Variants in ACVR1C observed in about 807,000 individuals in gnomAD.
The protein encoded by ACVR1C is activin A receptor type 1C.
ACVR1C carries 23 observed loss-of-function variants against 57.9 expected under a neutral mutation model. The observed-to-expected ratio is 0.40, with a 90% CI of 0.29 to 0.56. The LOEUF is 0.56. Ranked by LOEUF, ACVR1C falls within the 20% of genes least tolerant of loss-of-function variation. The pLI is 0.50. For synonymous variants in ACVR1C, 214 were observed against 215.3 expected, an observed-to-expected ratio of 0.99 and a Z score of 0.05; for missense variants, 480 against 607.9, an observed-to-expected ratio of 0.79 and a Z score of 2.21.
chr2:157,588,211 C>T (rs1023325766), intron 1 of ACVR1C, among the ~76,000 whole-genome samples: 2 of 150,060 alleles, frequency 1.3e-5, no homozygotes, highest in African/African-American at 4.9e-5. Context: ...TCACTGTCTA[C>T]ACCTCCCCAA....
intron 1 of ACVR1C, among the ~76,000 whole-genome samples, chr2:157,594,519 A>G (rs918897748): frequency 1.7e-4 from 26 of 152,266 alleles, no homozygotes; most frequent in African/African-American, 6.3e-4. Context: ...TAAATCAACA[A>G]AACATCTCTA....
At chr2:157,541,826 C>G (rs375535621) in intron 6 of ACVR1C, among the ~76,000 whole-genome samples, 1 of 152,176 alleles carries the variant, frequency 6.6e-6, no homozygotes, top group Non-Finnish European at 1.5e-5. Context: ...CCAGGTATAG[C>G]AACTTAGAAT....
chr2:157,572,767 A>G (rs1688547245), intron 2 of ACVR1C, among the ~76,000 whole-genome samples: 1 of 152,184 alleles, frequency 6.6e-6, no homozygotes, highest in African/African-American at 2.4e-5. Flanking sequence ...TTAGATGCTT[A>G]TATTTCAGAG....
chr2:157,622,216 A>T (rs1682794615), intron 1 of ACVR1C, among the ~76,000 whole-genome samples: 1 of 152,136 alleles, frequency 6.6e-6, no homozygotes. Flanking sequence ...CCAAGAAGAT[A>T]CTATAAGGTA....
chr2:157,628,249 G>C (rs552292347), intron 1 of ACVR1C, among the ~76,000 whole-genome samples: 47 of 152,062 alleles, frequency 3.1e-4, no homozygotes, highest in Non-Finnish European at 6.2e-4. Flanking sequence ...ACCCACAAAC[G>C]CTCTCCTATT....
Position 157,542,687 on chromosome 2 carries a change from C to G in ACVR1C, c.1100+19G>C. 3 of 1,609,506 alleles carry G rather than the reference C, an allele frequency of 1.9e-6. No individual in the cohort carries two copies. Among genetic ancestry groups the G allele is most frequent in the Non-Finnish European group, 2.5e-6 (3 of 1,177,772 alleles). ...GGCACTCTCACATCTTACTATGCTACCCAAGTCAGTCGTCTTACCTCTTGG... is the reference window on the plus strand; with the variant it reads ...GGCACTCTCACATCTTACTATGCTAGCCAAGTCAGTCGTCTTACCTCTTGG... On this transcript the variant is annotated intron_variant, in intron 6 of 8. Transcript: ENST00000243349.
intron 2 of ACVR1C, among the ~76,000 whole-genome samples, chr2:157,585,282 G>A (rs745516916): frequency 1.3e-5 from 2 of 151,922 alleles, no homozygotes; most frequent in East Asian, 1.9e-4. Flanking sequence ...ACATATTCTC[G>A]ATAAAGAAAC....
At chr2:157,599,183 A>G (rs1261983086) in intron 1 of ACVR1C, among the ~76,000 whole-genome samples, 1 of 151,790 alleles carries the variant, frequency 6.6e-6, no homozygotes, top group African/African-American at 2.4e-5. Flanking sequence ...AAATACCAAA[A>G]ATTAGCCAGG....
At chr2:157,628,501 C>A in intron 1 of ACVR1C, 71 bp downstream of exon 1, 9 of 1,521,690 alleles carry the variant, frequency 5.9e-6, no homozygotes, top group Non-Finnish European at 6.3e-6. Context: ...GTCCCCCACC[C>A]CCGTGCTCAC....
chr2:157,532,863 T>C lies in ACVR1C; in HGVS notation c.*1055A>G, dbSNP rs1193834392. On this transcript the variant is annotated 3_prime_UTR_variant, in exon 9 of 9. Coordinates refer to ENST00000243349, the MANE Select transcript of ACVR1C (RefSeq NM_145259.3). The stretch of plus-strand genomic sequence containing the variant: ...TTTCTGTCTTTTCTTTCTAAGTGTG[T>C]ATGTACAAAGGAAATAGGGACCTCT... 1 of 152,198 alleles carries C rather than the reference T, an allele frequency of 6.6e-6. No individual in the cohort carries two copies. Among genetic ancestry groups the C allele is most frequent in the Non-Finnish European group, 1.5e-5 (1 of 68,018 alleles). The allele number at this position is 152,198 out of a possible 1,614,324, so 9.4% of individuals were successfully genotyped here. A position where few individuals can be genotyped will look rare whatever the true frequency, so the allele number is the denominator to read the frequency against.
At chr2:157,621,816 A>G (rs933711150) in intron 1 of ACVR1C, among the ~76,000 whole-genome samples, 41 of 152,158 alleles carry the variant, frequency 2.7e-4, no homozygotes, top group East Asian at 1.9e-4. Flanking sequence ...TAGCCTTTCA[A>G]TGGTTTCCTG....
chr2:157,618,917 CA>C (rs945205102), intron 1 of ACVR1C, among the ~76,000 whole-genome samples: 2 of 150,530 alleles, frequency 1.3e-5, no homozygotes, highest in Admixed American at 6.6e-5. Context: ...TAGAAAAAAA[CA>C]AAAAAAGGGA....
At chr2:157,574,914 C>T (rs973667080) in intron 2 of ACVR1C, among the ~76,000 whole-genome samples, 4 of 152,164 alleles carry the variant, frequency 2.6e-5, no homozygotes, top group African/African-American at 9.7e-5. Flanking sequence ...TGCATCCAGG[C>T]AGCATGATGA....
At chr2:157,550,428 C>G (rs1231378289) in intron 3 of ACVR1C, 36 bp from the exon 4 acceptor site, 2 of 1,573,732 alleles carry the variant, frequency 1.3e-6, no homozygotes, top group South Asian at 2.2e-5. Flanking sequence ...TAATTAAACA[C>G]AAATGTCAGA....
intron 2 of ACVR1C, among the ~76,000 whole-genome samples, chr2:157,566,669 G>A (rs4318347): frequency 0.35 from 52,803 of 150,852 alleles, 9,691 homozygotes; most frequent in Non-Finnish European, 0.4. Flanking sequence ...AAGAAACGGC[G>A]CACCACGAGA....
chr2:157,556,446 G>T, intron 2 of ACVR1C, 114 bp from the exon 3 acceptor site: 2 of 1,355,956 alleles, frequency 1.5e-6, no homozygotes, highest in Non-Finnish European at 2.0e-6. Context: ...TACACAGTAT[G>T]CACTTATGTT....
intron 1 of ACVR1C, among the ~76,000 whole-genome samples, chr2:157,614,037 C>T (rs1302901814): frequency 3.9e-5 from 6 of 152,102 alleles, no homozygotes; most frequent in Non-Finnish European, 8.8e-5. Flanking sequence ...AAATGAATGT[C>T]TTTAATCTCT....
chr2:157,607,652 T>C (rs1682435990), intron 1 of ACVR1C, among the ~76,000 whole-genome samples: 1 of 151,810 alleles, frequency 6.6e-6, no homozygotes, highest in African/African-American at 2.4e-5. Context: ...TCATCAGTGT[T>C]TTCTGGTTTT....
intron 2 of ACVR1C, among the ~76,000 whole-genome samples, chr2:157,574,536 T>C (rs1286163802): frequency 6.6e-6 from 1 of 152,212 alleles, no homozygotes; most frequent in African/African-American, 2.4e-5. Flanking sequence ...TTCATTTTTC[T>C]TTCCCAGAAA....
Sources: allele counts gnomAD v4.1 joint callset (sites outside exome capture counted in the v4.1 genomes callset), GRCh38; gene constraint gnomAD v4.1.1; transcripts MANE v1.5; gene names NCBI Gene and HGNC (gene_info 2026-07-23, HGNC 2026-07-21).